FNDC3A: variants seen among roughly 807,000 people sequenced by gnomAD.
FNDC3A encodes fibronectin type-III domain-containing protein 3A.
FNDC3A carries 32 observed loss-of-function variants against 148.9 expected under a neutral mutation model. The ratio of observed to expected loss-of-function variants is 0.21; its 90% CI spans 0.16 to 0.29. The LOEUF (loss-of-function observed/expected upper bound fraction) is 0.29. Among genes scored for constraint, FNDC3A ranks in the 10% least tolerant of loss-of-function variants. FNDC3A has a pLI of 1.00. For synonymous variants in FNDC3A, 472 were observed against 473.6 expected (o/e 1.00, Z 0.04); for missense variants, 1,191 against 1,452.8 (o/e 0.82, Z 2.93).
chr13:49,170,919 C>T (rs1053367448), intron 10 of FNDC3A, among the ~76,000 whole-genome samples: 59 of 152,258 alleles, frequency 3.9e-4, no homozygotes, highest in African/African-American at 1.3e-3. Flanking sequence ...CTAGAGCAAT[C>T]TGGAGTCATT....
chr13:49,132,910 T>C (rs1882117807), intron 5 of FNDC3A, among the ~76,000 whole-genome samples: 1 of 152,218 alleles, frequency 6.6e-6, no homozygotes, highest in Admixed American at 6.5e-5. Context: ...TGTATGGCTG[T>C]CTCCCTTATT....
intron 3 of FNDC3A, among the ~76,000 whole-genome samples, chr13:49,087,623 A>G (rs1200089625): frequency 6.6e-6 from 1 of 152,160 alleles, no homozygotes; most frequent in Non-Finnish European, 1.5e-5. Flanking sequence ...ATGTTTTACA[A>G]GAGTCAAAAA....
intron 2 of FNDC3A, among the ~76,000 whole-genome samples, chr13:49,023,139 A>T (rs1873452636): frequency 6.6e-6 from 1 of 152,076 alleles, no homozygotes; most frequent in Admixed American, 6.5e-5. Flanking sequence ...TCTAAAGGGA[A>T]GAAAGGTTCA....
intron 7 of FNDC3A, 36 bp from the exon 8 acceptor site, chr13:49,145,739 AGTT>A (rs770028803): frequency 7.1e-6 from 11 of 1,555,026 alleles, no homozygotes; most frequent in Non-Finnish European, 9.8e-6. Context: ...TATACATTAC[AGTT>A]GTTTTAAAGA....
intron 8 of FNDC3A, among the ~76,000 whole-genome samples, chr13:49,157,550 TC>T (rs1398200395): frequency 1.3e-5 from 2 of 150,692 alleles, no homozygotes; most frequent in Non-Finnish European, 3.0e-5. Context: ...CCAGCTTTGT[TC>T]CGTTGCTGGT....
chr13:49,006,114 G>A, intron 1 of FNDC3A, 38 bp from the exon 2 acceptor site: 1 of 722,206 alleles, frequency 1.4e-6, no homozygotes, highest in Non-Finnish European at 2.4e-6. Flanking sequence ...GTATTTTAAG[G>A]ATATACTTAC....
At chr13:49,061,352 CCCTTACCTTCCCTTCCCTTCCCTT>C (rs1566222270) in intron 2 of FNDC3A, among the ~76,000 whole-genome samples, 8 of 6,690 alleles carry the variant, frequency 1.2e-3, no homozygotes, top group African/African-American at 8.1e-3. Context: ...CCCTTCCCTT[CCCTTACCTTCCCTTCCCTTCCCTT>C]CCCTTCCCTT....
chr13:49,050,113 A>G (rs1475211767), intron 2 of FNDC3A, among the ~76,000 whole-genome samples: 1 of 151,224 alleles, frequency 6.6e-6, no homozygotes, highest in Non-Finnish European at 1.5e-5. Flanking sequence ...TATGTTTTGT[A>G]TTTTTTTTGT....
Position 49,201,957 on chromosome 13 carries a change from G to T in FNDC3A, c.3145G>T (p.Ala1049Ser), listed in dbSNP as rs749538145. 1.3e-6 allele frequency: 2 copies of T among 1,551,584 alleles called. No individual in the cohort carries two copies. Among genetic ancestry groups the T allele is most frequent in the Admixed American group, 2.1e-5 (1 of 48,220 alleles). The change falls in exon 24 of 26, where the codon GCC (alanine) becomes TCC (serine). Residue 1049 changes from alanine to serine, a missense_variant. Ala to Ser is a moderately conservative substitution (Grantham distance 99, BLOSUM62 1). This residue lies in a region of FNDC3A where 751 missense variants were observed against 944.0 expected (regional missense o/e 0.80). Coordinates refer to ENST00000492622, the MANE Select transcript of FNDC3A (RefSeq NM_001079673.2). ...IFTTPKSVPA[A>S]LKAPKIEKVN... ...CACTACTCCAAAATCTGTCCCAGCT[G>T]CCTTGAAAGGTAAGTTATACATCCT...
At chr13:49,135,163 A>G (rs1882282529) in intron 5 of FNDC3A, among the ~76,000 whole-genome samples, 1 of 151,810 alleles carries the variant, frequency 6.6e-6, no homozygotes, top group Non-Finnish European at 1.5e-5. Flanking sequence ...CCCCATTCAT[A>G]TATTTTCTTT....
chr13:49,192,665 G>A (rs897421461), intron 19 of FNDC3A, among the ~76,000 whole-genome samples: 2 of 152,250 alleles, frequency 1.3e-5, no homozygotes, highest in South Asian at 4.1e-4. Flanking sequence ...TCTGTAAGAA[G>A]CCATCTTGTC....
chr13:49,000,821 T>C (rs1385093577), intron 1 of FNDC3A, among the ~76,000 whole-genome samples: 1 of 152,206 alleles, frequency 6.6e-6, no homozygotes, highest in African/African-American at 2.4e-5. Flanking sequence ...CTTTATTCTT[T>C]TGGTTGCTAT....
intron 16 of FNDC3A, chr13:49,187,741 CT>C (rs891749932): frequency 4.0e-3 from 3,519 of 885,230 alleles, no homozygotes; most frequent in South Asian, 5.5e-3. Flanking sequence ...TCACCAAGAC[CT>C]TTTTTTTTTC....
chr13:49,111,681 G>C (rs1311788883), intron 3 of FNDC3A, among the ~76,000 whole-genome samples: 2 of 149,100 alleles, frequency 1.3e-5, no homozygotes, highest in African/African-American at 5.0e-5. Flanking sequence ...AGCTGAGATA[G>C]CGCCACTGCA....
chr13:49,060,081 A>C (rs1876555374), intron 2 of FNDC3A, among the ~76,000 whole-genome samples: 1 of 152,246 alleles, frequency 6.6e-6, no homozygotes, highest in Non-Finnish European at 1.5e-5. Flanking sequence ...GTGCAGCCAC[A>C]ATGGAGAAGT....
chr13:49,176,698 C>T (rs1885048505), intron 13 of FNDC3A, among the ~76,000 whole-genome samples: 1 of 152,192 alleles, frequency 6.6e-6, no homozygotes, highest in East Asian at 1.9e-4. Context: ...AATATTGCCA[C>T]TCCTAATACA....
At chr13:49,042,643 A>C (rs1051038304) in intron 2 of FNDC3A, among the ~76,000 whole-genome samples, 2 of 152,070 alleles carry the variant, frequency 1.3e-5, no homozygotes, top group African/African-American at 4.8e-5. Context: ...ATGGTGCTGC[A>C]TGCCTGTGGT....
chr13:49,171,865 A>G (rs1375474951), intron 10 of FNDC3A, among the ~76,000 whole-genome samples, 178 bp from the exon 11 acceptor site: 2 of 152,162 alleles, frequency 1.3e-5, no homozygotes, highest in African/African-American at 2.4e-5. Flanking sequence ...CTTTCCTTAA[A>G]TTTGAAAGGA....
At chr13:49,155,497 G>A (rs1883608217) in intron 8 of FNDC3A, among the ~76,000 whole-genome samples, 1 of 143,278 alleles carries the variant, frequency 7.0e-6, no homozygotes, top group South Asian at 2.3e-4. Context: ...TTTTTTGAAG[G>A]GTTTTTTGTG....
Sources: allele counts gnomAD v4.1 joint callset (sites outside exome capture counted in the v4.1 genomes callset), GRCh38; gene constraint gnomAD v4.1.1; regional missense constraint gnomAD v4.1.1; transcripts MANE v1.5; gene names NCBI Gene and HGNC (gene_info 2026-07-23, HGNC 2026-07-21).